The following ZFAT variants were observed in gnomAD, a reference collection of about 807,000 sequenced individuals.
The protein encoded by ZFAT is zinc finger protein ZFAT.
Under a neutral mutation model 117.7 loss-of-function variants are expected in ZFAT, and 64 were observed. The ratio of observed to expected loss-of-function variants is 0.54; its 90% confidence interval spans 0.44 to 0.67. The LOEUF is 0.67. Among genes scored for constraint, ZFAT ranks in the 30% least tolerant of loss-of-function variants. The pLI, the probability that ZFAT is intolerant of heterozygous loss-of-function variation, is 0.00. For missense variants in ZFAT, 1,433 were observed against 1,584.5 expected (o/e 0.90, Z 1.62); for synonymous variants, 679 against 615.0 (o/e 1.10, Z -1.54).
intron 15 of ZFAT, among the ~76,000 whole-genome samples, chr8:134,482,371 C>A (rs146353094): frequency 6.6e-6 from 1 of 152,162 alleles, no homozygotes; most frequent in East Asian, 1.9e-4. Flanking sequence ...AGTTCGCAGG[C>A]GGATCTTGAA....
intron 1 of ZFAT, among the ~76,000 whole-genome samples, chr8:134,692,444 C>A (rs1021609813): frequency 6.6e-6 from 1 of 152,212 alleles, no homozygotes; most frequent in African/African-American, 2.4e-5. Context: ...CCCTTCAGGG[C>A]CATGGCCGCC....
chr8:134,637,223 T>C (rs1050847011), intron 3 of ZFAT, among the ~76,000 whole-genome samples: 1 of 152,236 alleles, frequency 6.6e-6, no homozygotes. Context: ...TCTCAAAGCA[T>C]CTAGCAAAGC....
the ZFAT span, among the ~76,000 whole-genome samples, chr8:134,734,009 C>A: frequency 6.6e-6 from 1 of 152,240 alleles, no homozygotes; most frequent in Admixed American, 6.5e-5. Flanking sequence ...CTGGATGAAA[C>A]CCTTAAACTT....
At chr8:134,719,944 C>T in the ZFAT span, among the ~76,000 whole-genome samples, 24 of 152,304 alleles carry the variant, frequency 1.6e-4, 1 homozygote, top group South Asian at 4.8e-3. Flanking sequence ...TAGTGTAATC[C>T]CCTCTGACAC....
the ZFAT span, among the ~76,000 whole-genome samples, chr8:134,755,479 G>A: frequency 6.6e-6 from 1 of 151,350 alleles, no homozygotes; most frequent in Non-Finnish European, 1.5e-5. Context: ...ACATAGTGGT[G>A]AATTCTGGGA....
chr8:134,749,671 AG>A, the ZFAT span, among the ~76,000 whole-genome samples: 2 of 152,218 alleles, frequency 1.3e-5, no homozygotes, highest in Non-Finnish European at 2.9e-5. Context: ...AGTATGAGGA[AG>A]GAATAAAATC....
At chr8:134,653,419 GTTTTTTTTTTTTTTTT>G (rs61711569) in intron 2 of ZFAT, among the ~76,000 whole-genome samples, 5 of 51,338 alleles carry the variant, frequency 9.7e-5, no homozygotes, top group South Asian at 2.3e-3. Context: ...CGTTTTATCT[GTTTTTTTTTTTTTTTT>G]TTTTTTTTTT....
chr8:134,609,176 A>ATATATG, intron 4 of ZFAT, among the ~76,000 whole-genome samples: 1 of 151,896 alleles, frequency 6.6e-6, no homozygotes, highest in Non-Finnish European at 1.5e-5. Flanking sequence ...ACATATACAT[A>ATATATG]TATATGTATA....
chr8:134,573,346 GTTC>G (rs1825075104), intron 10 of ZFAT, among the ~76,000 whole-genome samples: 1 of 152,140 alleles, frequency 6.6e-6, no homozygotes, highest in Non-Finnish European at 1.5e-5. Flanking sequence ...TCCTTGGAAG[GTTC>G]TTGAGAATCG....
At chr8:134,758,777 T>C in the ZFAT span, among the ~76,000 whole-genome samples, 1 of 152,208 alleles carries the variant, frequency 6.6e-6, no homozygotes, top group Admixed American at 6.5e-5. Context: ...GGAGAGCAAA[T>C]GTTCCATCAA....
At chr8:134,606,440 C>A (rs1827892832) in intron 5 of ZFAT, among the ~76,000 whole-genome samples, 1 of 152,190 alleles carries the variant, frequency 6.6e-6, no homozygotes, top group Admixed American at 6.5e-5. Context: ...GACAGCCGGG[C>A]ACAGTGGCTC....
intron 13 of ZFAT, among the ~76,000 whole-genome samples, chr8:134,520,398 T>C (rs1820567041): frequency 6.6e-6 from 1 of 152,040 alleles, no homozygotes; most frequent in Non-Finnish European, 1.5e-5. Context: ...CTGGCTCTTA[T>C]AATAAAGGCG....
chr8:134,743,486 C>A, the ZFAT span, among the ~76,000 whole-genome samples: 1 of 151,538 alleles, frequency 6.6e-6, no homozygotes, highest in Non-Finnish European at 1.5e-5. Flanking sequence ...GAGACTCCAT[C>A]TCAAAGAAAA....
At chr8:134,662,612 C>A (rs1339542368) in intron 1 of ZFAT, among the ~76,000 whole-genome samples, 1 of 152,200 alleles carries the variant, frequency 6.6e-6, no homozygotes, top group Non-Finnish European at 1.5e-5. Context: ...AAGGAAGCAT[C>A]CTTTGGCCGG....
chr8:134,572,554 T>C (rs1017322378), intron 10 of ZFAT, among the ~76,000 whole-genome samples: 4 of 152,224 alleles, frequency 2.6e-5, no homozygotes, highest in Non-Finnish European at 5.9e-5. Flanking sequence ...ACGGGTGCTC[T>C]TTCTGACCAA....
At chr8:134,583,636 T>C in intron 10 of ZFAT, among the ~76,000 whole-genome samples, 196 bp downstream of exon 10, 1 of 152,222 alleles carries the variant, frequency 6.6e-6, no homozygotes, top group East Asian at 1.9e-4. Context: ...GTGTTTATCC[T>C]GCACCTGCTG....
intron 15 of ZFAT, among the ~76,000 whole-genome samples, chr8:134,481,328 G>C (rs2130011492): frequency 6.6e-6 from 1 of 152,228 alleles, no homozygotes; most frequent in Non-Finnish European, 1.5e-5. Flanking sequence ...AGGTCCCCAG[G>C]GCTTCACATG....
At chr8:134,605,424 C>T (rs1165767520) in intron 5 of ZFAT, among the ~76,000 whole-genome samples, 3 of 151,816 alleles carry the variant, frequency 2.0e-5, no homozygotes, top group African/African-American at 7.3e-5. Flanking sequence ...TGGGCGCCTG[C>T]AGTCCCAGCT....
chr8:134,563,433 C>T (rs556040141), intron 11 of ZFAT, among the ~76,000 whole-genome samples: 1 of 152,206 alleles, frequency 6.6e-6, no homozygotes, highest in Non-Finnish European at 1.5e-5. Context: ...GCAGATCCCT[C>T]CGAGCCTCCC....
Sources: allele counts gnomAD v4.1 joint callset (sites outside exome capture counted in the v4.1 genomes callset), GRCh38; gene constraint gnomAD v4.1.1; transcripts MANE v1.5; gene names NCBI Gene and HGNC (gene_info 2026-07-23, HGNC 2026-07-21).